The following GIT1 variants were observed in gnomAD, a reference collection of about 807,000 sequenced individuals.
GIT1 encodes ARF GTPase-activating protein GIT1.
A neutral mutation model predicts 91.7 loss-of-function variants in GIT1; 14 were observed. The ratio of observed to expected loss-of-function variants is 0.15; its 90% CI spans 0.10 to 0.24. The LOEUF (loss-of-function observed/expected upper bound fraction) is 0.24. Ranked by LOEUF, GIT1 falls within the 10% of genes least tolerant of loss-of-function variation. The probability of loss-of-function intolerance (pLI) is 1.00; values close to 1 mark genes in which losing one functional copy is unlikely to be tolerated. For synonymous variants in GIT1, 414 were observed against 418.2 expected (o/e 0.99, Z 0.12); for missense variants, 717 against 1,024.9 (o/e 0.70, Z 4.10).
rs945031538 is a variant in GIT1, at chr17:29,578,472, C to T, written c.811-101G>A. On this transcript the variant is annotated intron_variant, in intron 8 of 19. Coordinates refer to ENST00000225394, the MANE Select transcript of GIT1 (RefSeq NM_014030.4). ...TGAGCCTTGGGGAACCGGTGGCCTTCCTTGTGCTGCCCAGCCCCTACAGTC... is the reference window on the plus strand; with the variant it reads ...TGAGCCTTGGGGAACCGGTGGCCTTTCTTGTGCTGCCCAGCCCCTACAGTC... 2.2e-5 allele frequency: 23 copies of T among 1,061,442 alleles called. 1 individual carries two copies. The South Asian group carries it at 2.9e-4, about 13-fold the overall frequency. 65.8% of individuals were successfully genotyped at this position (1,061,442 alleles called of 1,614,324 possible).
chr17:29,578,305 C>A lies in GIT1; in HGVS notation c.877G>T (p.Asp293Tyr). Residue 293 changes from aspartate (D) to tyrosine (Y), a missense_variant, in exon 9 of 20, where the codon GAT becomes TAT. Asp to Tyr is a radical substitution (Grantham distance 160). Around this residue, in one of 3 missense-constraint regions of GIT1, gnomAD observed 271 missense variants for 451.6 expected, o/e 0.60. Transcript: ENST00000225394. The stretch of plus-strand genomic sequence containing the variant: ...CTCCTGCTCCCTGACTCACCTGCAT[C>A]ATTTTCTCTTCGATCCACCTCGTCA... Reference protein sequence around the residue: ...VYDEVDRRENDAVWLATQNHS... With the variant: ...VYDEVDRRENYAVWLATQNHS... 1 of 1,613,670 alleles carries A rather than the reference C, an allele frequency of 6.2e-7. No homozygotes were observed. Among genetic ancestry groups the A allele is most frequent in the Non-Finnish European group, 8.5e-7 (1 of 1,179,576 alleles).
chr17:29,586,187 G>T (rs2033589494), intron 1 of GIT1, among the ~76,000 whole-genome samples: 1 of 152,206 alleles, frequency 6.6e-6, no homozygotes, highest in Admixed American at 6.5e-5. Context: ...TAAGGTGATG[G>T]AAATGTTCTA....
Position 29,578,209 on chromosome 17 carries a change from G to A in GIT1, c.883+90C>T, listed in dbSNP as rs563042358. The A allele has an allele frequency of 7.4e-6, 8 of 1,080,794 alleles. No homozygotes were observed. The African/African-American group carries it at 9.2e-5, about 12-fold the overall frequency. 67.0% of individuals were successfully genotyped at this position (1,080,794 alleles called of 1,614,324 possible). On this transcript the variant is annotated intron_variant, in intron 9 of 19. Transcript: ENST00000225394. ...AGGCCTCTGAGCAGCCCCAACCCCAGGCACCCCTTCTTAGCCCAGTAAAGG... is the reference window on the plus strand; with the variant it reads ...AGGCCTCTGAGCAGCCCCAACCCCAAGCACCCCTTCTTAGCCCAGTAAAGG...
intron 7 of GIT1, chr17:29,579,345 C>G: frequency 3.1e-6 from 1 of 324,804 alleles, no homozygotes; most frequent in Non-Finnish European, 5.7e-6. Context: ...TCCTGTTCCA[C>G]CCAGCAGCCA....
At chr17:29,588,966 CCAA>C (rs1252539288) in intron 1 of GIT1, among the ~76,000 whole-genome samples, 1 of 152,232 alleles carries the variant, frequency 6.6e-6, no homozygotes, top group African/African-American at 2.4e-5. Flanking sequence ...CCCCCACCTC[CCAA>C]GCCCTGACGG....
rs2033068597 is a variant in GIT1 at position 29,573,634 on chromosome 17, C to T, written c.*1068G>A. 6.6e-6 allele frequency: 1 copy of T among 152,578 alleles called. No individual in the cohort carries two copies. The highest frequency in any genetic ancestry group is 6.5e-5 in the Admixed American group (1 of 15,294). The allele number at this position is 152,578 out of a possible 1,614,324, so 9.5% of individuals were successfully genotyped here. A position where few individuals can be genotyped will look rare whatever the true frequency, so the allele number is the denominator to read the frequency against. The stretch of plus-strand genomic sequence containing the variant: ...CTCTCCAGCCTTCCCAGGCTGCAGC[C>T]AGGTTCCCAGGCCTCCAGAGGGTGG... On this transcript the variant is annotated 3_prime_UTR_variant, in exon 20 of 20. Coordinates refer to ENST00000225394, the MANE Select transcript of GIT1 (RefSeq NM_014030.4).
intron 7 of GIT1, among the ~76,000 whole-genome samples, chr17:29,580,685 A>C (rs2033366345): frequency 6.6e-6 from 1 of 152,304 alleles, no homozygotes; most frequent in East Asian, 1.9e-4. Context: ...AGCGAAGAGC[A>C]GAGGCTTCTC....
intron 11 of GIT1, 49 bp downstream of exon 11, chr17:29,577,072 GCCATGCAGGAAAGAC>G: frequency 6.2e-7 from 1 of 1,604,892 alleles, no homozygotes; most frequent in Non-Finnish European, 8.5e-7. Context: ...GGCAGGGAGA[GCCATGCAGGAAAGAC>G]CCCTGGAGCC....
At chr17:29,585,933 A>G (rs552335134) in intron 1 of GIT1, among the ~76,000 whole-genome samples, 4 of 152,236 alleles carry the variant, frequency 2.6e-5, no homozygotes, top group African/African-American at 7.2e-5. Flanking sequence ...TGCCAACCCC[A>G]TGGAGGCCTC....
Position 29,582,691 on chromosome 17 carries a change from C to T in GIT1, c.405+7G>A, listed in dbSNP as rs776206935. On this transcript the variant is annotated splice_region_variant and intron_variant, in intron 4 of 19. Transcript: ENST00000225394. ...GGGCCACCCATCTGTTGTAGGGCCC[C>T]TCAAACCTTGCTGAGGTCTTTGGCG... 1.2e-6 allele frequency: 2 copies of T among 1,600,348 alleles called. No individual in the cohort carries two copies. The highest frequency in any genetic ancestry group is 3.3e-5 in the Admixed American group (2 of 60,000).
At chr17:29,587,505 G>A (rs1281390151) in intron 1 of GIT1, among the ~76,000 whole-genome samples, 3 of 152,204 alleles carry the variant, frequency 2.0e-5, no homozygotes, top group South Asian at 4.1e-4. Context: ...GGGAGGAGGA[G>A]CTGGGCAATC....
At chr17:29,583,381 G>A in intron 2 of GIT1, 102 bp downstream of exon 2, 1 of 1,291,394 alleles carries the variant, frequency 7.7e-7, no homozygotes, top group East Asian at 2.4e-5. Flanking sequence ...CTTGGAAGCT[G>A]CAGATTCCAG....
chr17:29,581,814 C>G lies in GIT1; in HGVS notation c.646G>C (p.Ala216Pro). 1 of 1,612,718 alleles carries G rather than the reference C, an allele frequency of 6.2e-7. No individual in the cohort carries two copies. The highest frequency in any genetic ancestry group is 8.5e-7 in the Non-Finnish European group (1 of 1,179,954). ...YARQAGHHEL[A>P]ERLVECQYEL... ...TATTGGCACTCAACCAGCCTTTCCG[C>G]CAGCTCATGGTGCCCCGCCTGCCTG... Residue 216 changes from alanine to proline, a missense_variant, in exon 6 of 20, where the codon GCG becomes CCG. This residue lies in a region of GIT1 where 271 missense variants were observed against 451.6 expected (regional missense o/e 0.60). Coordinates refer to ENST00000225394, the MANE Select transcript of GIT1 (RefSeq NM_014030.4). This position sits in a 1 kb window ranked among gnomAD's most constrained non-coding sequence, Gnocchi z 4.8.
In GIT1 at chr17:29,575,148, G is replaced by T; in HGVS notation, c.2010-6C>A. On this transcript the variant is annotated splice_region_variant and splice_polypyrimidine_tract_variant and intron_variant, in intron 18 of 19. Coordinates refer to ENST00000225394, the MANE Select transcript of GIT1 (RefSeq NM_014030.4). The surrounding 1 kb of genome is among the most constrained non-coding windows in gnomAD (Gnocchi z 5.5). ...TCTCTGAGCAGGGCACGAAGCTGCG[G>T]GGAGAAGGGAGGCTATAAAGCAGGG... 3 of 1,593,686 alleles carry T rather than the reference G, an allele frequency of 1.9e-6. No homozygotes were observed. Among genetic ancestry groups the T allele is most frequent in the Non-Finnish European group, 2.6e-6 (3 of 1,166,996 alleles).
At position 29,577,140 on chromosome 17, in the gene GIT1, G is replaced by A. The variant is rs1484417327; in HGVS notation, c.1089C>T (p.Pro363=). 7.4e-6 allele frequency: 12 copies of A among 1,613,442 alleles called. No homozygotes were observed. Among genetic ancestry groups the A allele is most frequent in the Non-Finnish European group, 1.0e-5 (12 of 1,179,584 alleles). ...CCTCCCACACAACCCTCCCACCTGT[G>A]GGGCTGCTCAGGCTCTTGCCCTGCT... ...RRQQGKSLSS[P]TDNLELSLRS... The change falls in exon 11 of 20, where the codon CCC becomes CCT. Residue 363 remains proline (P), a synonymous_variant. Transcript: ENST00000225394.
rs2033453977 is a variant in GIT1 at position 29,582,966 on chromosome 17, C to G, written c.258G>C (p.Val86=). The change falls in exon 3 of 20, where the codon GTG becomes GTC. Residue 86 remains valine (V), a synonymous_variant. Transcript: ENST00000225394. ...WEHSLLDPAQ[V]QSGRRKANPQ... The stretch of plus-strand genomic sequence containing the variant: ...GGTTGGCTTTACGCCGGCCGCTCTG[C>G]ACTTGTGCGGGGTCCAGCAGGGAGT... 1 of 1,612,284 alleles carries G rather than the reference C, an allele frequency of 6.2e-7. No individual in the cohort carries two copies. Among genetic ancestry groups the G allele is most frequent in the Non-Finnish European group, 8.5e-7 (1 of 1,179,808 alleles).
intron 1 of GIT1, among the ~76,000 whole-genome samples, chr17:29,584,560 G>A (rs2033518217): frequency 6.6e-6 from 1 of 152,220 alleles, no homozygotes; most frequent in African/African-American, 2.4e-5. Context: ...GCTGCGGAAA[G>A]GTCACGGGGG....
chr17:29,581,696 C>G lies in GIT1; in HGVS notation c.718+46G>C. On this transcript the variant is annotated intron_variant, in intron 6 of 19. Transcript: ENST00000225394. This position sits in a 1 kb window ranked among gnomAD's most constrained non-coding sequence, Gnocchi z 4.8. ...TGCGTCCAGGTCCCACCTGCCCAGC[C>G]CCAGCCAGGCCTGTCACAGCCAGGC... The G allele has an allele frequency of 6.7e-7, 1 of 1,498,044 alleles. No individual in the cohort carries two copies. The highest frequency in any genetic ancestry group is 9.2e-7 in the Non-Finnish European group (1 of 1,084,936). The allele number at this position is 1,498,044 out of a possible 1,614,324, so 92.8% of individuals were successfully genotyped here. A position where few individuals can be genotyped will look rare whatever the true frequency, so the allele number is the denominator to read the frequency against.
chr17:29,581,652 C>T lies in GIT1; in HGVS notation c.718+90G>A. On this transcript the variant is annotated intron_variant, in intron 6 of 19. Coordinates refer to ENST00000225394, the MANE Select transcript of GIT1 (RefSeq NM_014030.4). This position sits in a 1 kb window ranked among gnomAD's most constrained non-coding sequence, Gnocchi z 4.8. ...CATTGCTCCCCAGCCGCTCTGTCAC[C>T]ATGGCACCTGCTGCCGGGTGCGTCC... 1 of 987,466 alleles carries T rather than the reference C, an allele frequency of 1.0e-6. No homozygotes were observed. Among genetic ancestry groups the T allele is most frequent in the Non-Finnish European group, 1.6e-6 (1 of 633,920 alleles). The allele number at this position is 987,466 out of a possible 1,614,324, so 61.2% of individuals were successfully genotyped here.
Sources: gnomAD v4.1 joint callset for allele counts (sites outside exome capture counted in the v4.1 genomes callset) on GRCh38, gnomAD v4.1.1 for gene constraint, gnomAD v4.1.1 regional missense constraint, Gnocchi (gnomAD v3.1) non-coding constraint, MANE v1.5 for transcripts, NCBI Gene and HGNC (gene_info 2026-07-23, HGNC 2026-07-21) for gene names.